Variants in ADPGK observed in about 807,000 individuals in gnomAD.
ADPGK encodes ADP-dependent glucokinase.
In ADPGK, 26 loss-of-function variants were observed where a neutral mutation model predicts 42.4. The ratio of observed to expected loss-of-function variants is 0.61; its 90% confidence interval spans 0.45 to 0.85. The LOEUF (loss-of-function observed/expected upper bound fraction) is 0.85, where lower values mean the gene tolerates loss of function less well. Ranked by LOEUF, ADPGK falls within the 40% of genes least tolerant of loss-of-function variation. The pLI, the probability that ADPGK is intolerant of heterozygous loss-of-function variation, is 0.00. For missense variants in ADPGK, 571 were observed against 627.0 expected, an observed-to-expected ratio of 0.91 and a Z score of 0.95; for synonymous variants, 267 against 252.6, an observed-to-expected ratio of 1.06 and a Z score of -0.54.
intron 1 of ADPGK, among the ~76,000 whole-genome samples, chr15:72,782,442 T>C (rs968624081): frequency 6.8e-6 from 1 of 146,840 alleles, no homozygotes; most frequent in Non-Finnish European, 1.5e-5. Flanking sequence ...GAAGGATCTC[T>C]TGAGCTCGGG....
intron 2 of ADPGK, 30 bp downstream of exon 2, chr15:72,774,842 C>T (rs778922711): frequency 6.3e-7 from 1 of 1,576,784 alleles, no homozygotes; most frequent in Non-Finnish European, 8.7e-7. Context: ...TTTTTCCACC[C>T]TTAATTTACT....
chr15:72,767,375 C>T (rs1371666546), intron 3 of ADPGK, among the ~76,000 whole-genome samples: 2 of 103,512 alleles, frequency 1.9e-5, no homozygotes, highest in Non-Finnish European at 4.4e-5. Flanking sequence ...ACTGACAGAT[C>T]AAATAGACAA....
At chr15:72,779,245 T>A (rs1053154065) in intron 1 of ADPGK, among the ~76,000 whole-genome samples, 2 of 5,832 alleles carry the variant, frequency 3.4e-4, no homozygotes, top group African/African-American at 9.8e-4. Context: ...AGCATGAGGG[T>A]TTTTTTTTTT....
chr15:72,756,630 T>TAAACCC, intron 4 of ADPGK, 183 bp from the exon 5 acceptor site: 2 of 638,092 alleles, frequency 3.1e-6, no homozygotes, highest in East Asian at 5.5e-5. Context: ...ACCAAAAACC[T>TAAACCC]AAACCCAAAC....
intron 1 of ADPGK, among the ~76,000 whole-genome samples, chr15:72,781,515 C>G (rs2151097287): frequency 6.6e-6 from 1 of 152,334 alleles, no homozygotes; most frequent in Non-Finnish European, 1.5e-5. Context: ...ATGAAAGTCA[C>G]TGTAGTAAAA....
intron 4 of ADPGK, chr15:72,757,573 A>C (rs2066133777): frequency 6.5e-6 from 1 of 153,802 alleles, no homozygotes; most frequent in South Asian, 2.0e-4. Flanking sequence ...GGCCTGTGTC[A>C]TCCTCTGTCG....
chr15:72,759,977 G>C (rs953185365), intron 4 of ADPGK, among the ~76,000 whole-genome samples: 1 of 152,212 alleles, frequency 6.6e-6, no homozygotes, highest in Admixed American at 6.5e-5. Context: ...CTTGCCAGAA[G>C]CTTGGAATCA....
At chr15:72,760,899 G>A (rs2066184273) in intron 3 of ADPGK, among the ~76,000 whole-genome samples, 1 of 152,150 alleles carries the variant, frequency 6.6e-6, no homozygotes, top group Non-Finnish European at 1.5e-5. Flanking sequence ...TGGAGATAGG[G>A]CTTTTGGAAG....
intron 1 of ADPGK, among the ~76,000 whole-genome samples, chr15:72,782,131 A>T (rs1025797136): frequency 3.3e-5 from 5 of 152,352 alleles, no homozygotes; most frequent in African/African-American, 1.2e-4. Flanking sequence ...TATGTTTCCA[A>T]CAAGTGAGAC....
intron 3 of ADPGK, among the ~76,000 whole-genome samples, chr15:72,767,700 C>A (rs2066277736): frequency 6.6e-6 from 1 of 152,120 alleles, no homozygotes; most frequent in Non-Finnish European, 1.5e-5. Context: ...CTAAGTAGTC[C>A]ATGAATGGGC....
In ADPGK at chr15:72,752,613, G is replaced by A. The variant is rs1567444081; in HGVS notation, c.1222C>T (p.Arg408Cys). The A allele has an allele frequency of 6.2e-7, 1 of 1,614,212 alleles. No homozygotes were observed. The highest frequency in any genetic ancestry group is 8.5e-7 in the Non-Finnish European group (1 of 1,180,036). Residue 408 changes from arginine to cysteine, a missense_variant, in exon 7 of 7, where the codon CGT becomes TGT. Physicochemically the swap from Arg to Cys is radical, Grantham distance 180. Transcript: ENST00000456471. ...NQLAAVAAGA[R>C]VAGTQACATE... Reference sequence around the variant, plus strand: ...GCGCAGGCCTGTGTCCCAGCCACACGAGCTCCTGCAGCCACGGCTGCCAGC... The same window carrying A: ...GCGCAGGCCTGTGTCCCAGCCACACAAGCTCCTGCAGCCACGGCTGCCAGC...
At chr15:72,763,246 C>A (rs1414580153) in intron 3 of ADPGK, among the ~76,000 whole-genome samples, 9 of 151,432 alleles carry the variant, frequency 5.9e-5, no homozygotes, top group Admixed American at 5.9e-4. Context: ...CCACCTCCTG[C>A]GTTTAAGTGA....
chr15:72,781,285 A>G (rs563288734), intron 1 of ADPGK, among the ~76,000 whole-genome samples: 1 of 152,228 alleles, frequency 6.6e-6, no homozygotes, highest in East Asian at 1.9e-4. Context: ...ACTACTTACA[A>G]ACCTTTATGG....
rs1054028960 is a variant in ADPGK, at chr15:72,783,710, C to G, written c.-19G>C. 9.7e-6 allele frequency: 14 copies of G among 1,447,786 alleles called. No individual in the cohort carries two copies. The highest frequency in any genetic ancestry group is 1.2e-5 in the Non-Finnish European group (13 of 1,107,276). 89.7% of individuals were successfully genotyped at this position (1,447,786 alleles called of 1,614,324 possible). On this transcript the variant is annotated 5_prime_UTR_variant, in exon 1 of 7. Coordinates refer to ENST00000456471, the MANE Select transcript of ADPGK (RefSeq NM_001365225.1). Reference sequence around the variant, plus strand: ...GCGCCATGGGGACCCAGGCGCCGCACCTGCGCGAACCAACTCCTTTCCTAG... The same window carrying G: ...GCGCCATGGGGACCCAGGCGCCGCAGCTGCGCGAACCAACTCCTTTCCTAG...
intron 6 of ADPGK, among the ~76,000 whole-genome samples, chr15:72,753,753 A>T (rs1418960125): frequency 6.6e-6 from 1 of 152,198 alleles, no homozygotes; most frequent in Non-Finnish European, 1.5e-5. Flanking sequence ...GGAAGGAGGG[A>T]CTGCCTCCAT....
Position 72,752,968 on chromosome 15 carries a change from G to A in ADPGK, c.940-73C>T, listed in dbSNP as rs572561437. On this transcript the variant is annotated intron_variant, in intron 6 of 6. Transcript: ENST00000456471. ...CCTAAGATGTCTTATGACACAGCCA[G>A]TGACTAAATGACAGGGAACACAGGC... is the stretch of plus-strand genomic sequence containing the variant. The A allele has an allele frequency of 3.5e-6, 5 of 1,428,214 alleles. No homozygotes were observed. The South Asian group carries it at 4.2e-5, about 12-fold the overall frequency. The allele number at this position is 1,428,214 out of a possible 1,614,324, so 88.5% of individuals were successfully genotyped here. A position where few individuals can be genotyped will look rare whatever the true frequency, so the allele number is the denominator to read the frequency against.
At chr15:72,783,154 A>T (rs760197765) in intron 1 of ADPGK, 10 of 1,086,416 alleles carry the variant, frequency 9.2e-6, no homozygotes, top group Non-Finnish European at 1.1e-5. Flanking sequence ...TCGCCAGAAG[A>T]GAAGGGGCTA....
chr15:72,778,754 T>A (rs1353496621), intron 1 of ADPGK, among the ~76,000 whole-genome samples: 1 of 152,168 alleles, frequency 6.6e-6, no homozygotes, highest in Non-Finnish European at 1.5e-5. Flanking sequence ...GCATCAGCTG[T>A]TATAAGAGCT....
At chr15:72,781,763 A>C (rs1446804411) in intron 1 of ADPGK, among the ~76,000 whole-genome samples, 1 of 152,252 alleles carries the variant, frequency 6.6e-6, no homozygotes, top group Non-Finnish European at 1.5e-5. Flanking sequence ...TTATGGATTG[A>C]ATTGTCCACC....
Sources: allele counts gnomAD v4.1 joint callset (sites outside exome capture counted in the v4.1 genomes callset), GRCh38; gene constraint gnomAD v4.1.1; transcripts MANE v1.5; gene names NCBI Gene and HGNC (gene_info 2026-07-23, HGNC 2026-07-21).